The following PTPRN2 variants were observed in gnomAD, a reference collection of about 807,000 sequenced individuals.
PTPRN2 encodes protein tyrosine phosphatase receptor type N2, also known as receptor-type tyrosine-protein phosphatase N2.
Under a neutral mutation model 118.8 loss-of-function variants are expected in PTPRN2, and 74 were observed. That is an observed-to-expected ratio of 0.62 (90% confidence interval 0.52 to 0.76). The LOEUF (loss-of-function observed/expected upper bound fraction) is 0.76, where lower values mean the gene tolerates loss of function less well. Ranked by LOEUF, PTPRN2 falls within the 30% of genes least tolerant of loss-of-function variation. The pLI is 0.00. For missense variants in PTPRN2, 1,481 were observed against 1,394.4 expected (o/e 1.06, Z -0.99); for synonymous variants, 641 against 608.0 (o/e 1.05, Z -0.80).
intron 5 of PTPRN2, among the ~76,000 whole-genome samples, chr7:158,190,437 C>T (rs1825668910): frequency 6.6e-6 from 1 of 152,218 alleles, no homozygotes; most frequent in Admixed American, 6.5e-5. Flanking sequence ...GGGTTAGGCC[C>T]ACACAGAGAG....
chr7:158,267,571 C>T (rs1312905134), intron 3 of PTPRN2, among the ~76,000 whole-genome samples: 7 of 152,152 alleles, frequency 4.6e-5, no homozygotes, highest in East Asian at 3.9e-4. Flanking sequence ...AACCCTTACA[C>T]GGGGGTGACT....
chr7:157,653,302 C>T (rs778575305), intron 14 of PTPRN2, among the ~76,000 whole-genome samples: 12 of 152,180 alleles, frequency 7.9e-5, no homozygotes, highest in Non-Finnish European at 8.8e-5. Flanking sequence ...CTTATCTGAC[C>T]ATCCTGCCAT....
At chr7:158,366,024 T>TGCAC (rs1366906244) in intron 2 of PTPRN2, among the ~76,000 whole-genome samples, 1 of 113,020 alleles carries the variant, frequency 8.8e-6, no homozygotes, top group African/African-American at 3.5e-5. Context: ...CGTGTGCAAA[T>TGCAC]ACACACACAC....
rs371110371 is a variant in PTPRN2, at chr7:158,166,918, G to A, written c.910+13C>T. On this transcript the variant is annotated intron_variant, in intron 6 of 22. Transcript: ENST00000389418. ...AGTCAGCAAACAAGAAACACCAAGC[G>A]GGGCTGGCTCACCATCGCCTGTGCT... The A allele has an allele frequency of 6.7e-5, 95 of 1,420,246 alleles. No individual in the cohort carries two copies. Among genetic ancestry groups the A allele is most frequent in the Non-Finnish European group, 7.2e-5 (78 of 1,081,866 alleles). The allele number at this position is 1,420,246 out of a possible 1,614,324, so 88.0% of individuals were successfully genotyped here. A position where few individuals can be genotyped will look rare whatever the true frequency, so the allele number is the denominator to read the frequency against.
At chr7:158,136,504 T>C (rs1818827433) in intron 8 of PTPRN2, 151 bp downstream of exon 8, 1 of 659,618 alleles carries the variant, frequency 1.5e-6, no homozygotes, top group East Asian at 2.7e-5. Context: ...GTTCTCTTTA[T>C]ACTGTTTTTC....
At chr7:157,803,880 T>TGAGGGTCCGATGCCGTTC (rs1215415245) in intron 12 of PTPRN2, among the ~76,000 whole-genome samples, 11 of 152,176 alleles carry the variant, frequency 7.2e-5, no homozygotes, top group Admixed American at 3.3e-4. Flanking sequence ...TCTGGGCAGG[T>TGAGGGTCCGATGCCGTTC]TTTTCATGAT....
intron 10 of PTPRN2, among the ~76,000 whole-genome samples, chr7:158,109,405 CA>C (rs1816004582): frequency 6.6e-6 from 1 of 150,572 alleles, no homozygotes; most frequent in Non-Finnish European, 1.5e-5. Flanking sequence ...GAGTGAATGA[CA>C]TCACCCCTGT....
chr7:157,972,815 C>CATGG (rs1802440969), intron 11 of PTPRN2, among the ~76,000 whole-genome samples: 1 of 124,280 alleles, frequency 8.0e-6, no homozygotes, highest in Non-Finnish European at 1.7e-5. Flanking sequence ...CTTCAGAGAC[C>CATGG]GCAGAAACTC....
At chr7:157,782,529 C>T (rs866870157) in intron 12 of PTPRN2, among the ~76,000 whole-genome samples, 21 of 152,352 alleles carry the variant, frequency 1.4e-4, no homozygotes, top group Admixed American at 9.8e-4. Flanking sequence ...TATGAAATCA[C>T]ACATCCCAGT....
chr7:158,308,396 C>A (rs1199540615), intron 3 of PTPRN2, among the ~76,000 whole-genome samples: 1 of 152,026 alleles, frequency 6.6e-6, no homozygotes, highest in African/African-American at 2.4e-5. Context: ...TGAGTTGTAT[C>A]CAGATGAAGA....
chr7:157,918,526 C>T (rs895525462), intron 11 of PTPRN2, among the ~76,000 whole-genome samples: 1 of 152,040 alleles, frequency 6.6e-6, no homozygotes, highest in Non-Finnish European at 1.5e-5. Context: ...TGCCTTCACT[C>T]GCATCAAACT....
rs1302527839 is a variant in PTPRN2 at position 158,330,264 on chromosome 7, A to T, written c.164-13332T>A. 4.2e-4 allele frequency among the ~76,000 whole-genome samples: 27 copies of T among 64,988 alleles called. No individual in the cohort carries two copies. The East Asian group carries it at 4.7e-3, about 11-fold the overall frequency. 42.6% of individuals were successfully genotyped at this position (64,988 alleles called of 152,430 possible). Reference sequence around the variant, plus strand: ...ACCCACACTCTCACCATAAGAGCTGACACCCGCAGACGTCACTCACACCCA... The same window carrying T: ...ACCCACACTCTCACCATAAGAGCTGTCACCCGCAGACGTCACTCACACCCA... On this transcript the variant is annotated intron_variant, in intron 2 of 22. Coordinates refer to ENST00000389418, the MANE Select transcript of PTPRN2 (RefSeq NM_002847.5).
rs1271797883 is a variant in PTPRN2, at chr7:158,570,697, T to G, written c.112+16861A>C. On this transcript the variant is annotated intron_variant, in intron 1 of 22. Coordinates refer to ENST00000389418, the MANE Select transcript of PTPRN2 (RefSeq NM_002847.5). The surrounding 1 kb of genome is among the most constrained non-coding windows in gnomAD (Gnocchi z 4.5). The stretch of plus-strand genomic sequence containing the variant: ...TATACCGGCTCAGCACGCGGCTGGG[T>G]ACGGTTTGCAACGCCGAGAGCCCGC... 6.6e-6 allele frequency among the ~76,000 whole-genome samples: 1 copy of G among 152,130 alleles called. No homozygotes were observed. Among genetic ancestry groups the G allele is most frequent in the Non-Finnish European group, 1.5e-5 (1 of 68,034 alleles).
At chr7:158,362,223 C>T (rs374093426) in intron 2 of PTPRN2, among the ~76,000 whole-genome samples, 3 of 152,134 alleles carry the variant, frequency 2.0e-5, no homozygotes, top group East Asian at 1.9e-4. Flanking sequence ...GAGGAGGAGG[C>T]AGAAGAGGCC....
Position 158,063,812 on chromosome 7 carries a change from C to T in PTPRN2, c.1723+17486G>A, listed in dbSNP as rs559436715. ...GAAGTCAGTGAGACCAAGAACCCAC[C>T]CATTCTGGACACAGCAGGTCAGGGA... is the stretch of plus-strand genomic sequence containing the variant. On this transcript the variant is annotated intron_variant, in intron 11 of 22. Coordinates refer to ENST00000389418, the MANE Select transcript of PTPRN2 (RefSeq NM_002847.5). Among the ~76,000 whole-genome samples the T allele has an allele frequency of 5.3e-5, 8 of 152,322 alleles. No individual in the cohort carries two copies. The South Asian group carries it at 8.3e-4, about 16-fold the overall frequency.
chr7:157,980,474 G>A (rs575121935), intron 11 of PTPRN2, among the ~76,000 whole-genome samples: 4 of 152,340 alleles, frequency 2.6e-5, no homozygotes, highest in South Asian at 2.1e-4. Context: ...GTGATTGGCC[G>A]GGCACGGTGG....
chr7:158,333,235 C>A lies in PTPRN2; in HGVS notation c.164-16303G>T, dbSNP rs1241104280. ...CCCGCAGACGTGACTCACACCCACA[C>A]TCTCCCCAAAAGAGCTGTCGCCCGC... On this transcript the variant is annotated intron_variant, in intron 2 of 22. Transcript: ENST00000389418. 7.1e-5 allele frequency among the ~76,000 whole-genome samples: 9 copies of A among 126,176 alleles called. 2 individuals are homozygous for A. Among genetic ancestry groups the A allele is most frequent in the African/African-American group, 3.0e-4 (9 of 29,704 alleles). 82.8% of individuals were successfully genotyped at this position (126,176 alleles called of 152,430 possible). A position where few individuals can be genotyped will look rare whatever the true frequency, so the allele number is the denominator to read the frequency against.
At chr7:158,008,094 CTG>C (rs1316404873) in intron 11 of PTPRN2, among the ~76,000 whole-genome samples, 2 of 130,382 alleles carry the variant, frequency 1.5e-5, no homozygotes, top group Non-Finnish European at 3.2e-5. Flanking sequence ...TGTGGGTGTG[CTG>C]TGTGTGGGGG....
chr7:158,440,987 G>A (rs1295967421), intron 2 of PTPRN2, among the ~76,000 whole-genome samples: 2 of 149,482 alleles, frequency 1.3e-5, no homozygotes, highest in African/African-American at 5.1e-5. Context: ...TAGTGGTGGT[G>A]GTGATGGCAG....
Sources: gnomAD v4.1 joint callset for allele counts (sites outside exome capture counted in the v4.1 genomes callset) on GRCh38, gnomAD v4.1.1 for gene constraint, Gnocchi (gnomAD v3.1) non-coding constraint, MANE v1.5 for transcripts, NCBI Gene and HGNC (gene_info 2026-07-23, HGNC 2026-07-21) for gene names.